MID2: variants seen among roughly 807,000 people sequenced by gnomAD.
MID2 encodes midline 2, also known as probable E3 ubiquitin-protein ligase MID2.
MID2 carries 13 observed loss-of-function variants against 46.1 expected under a neutral mutation model. That is an observed-to-expected ratio of 0.28 (90% CI 0.18 to 0.45). The LOEUF (loss-of-function observed/expected upper bound fraction) is 0.45, where lower values mean the gene tolerates loss of function less well. MID2 is among the 20% of genes least tolerant of loss of function. The probability of loss-of-function intolerance (pLI) is 1.00; values close to 1 mark genes in which losing one functional copy is unlikely to be tolerated. For missense variants in MID2, 431 were observed against 575.4 expected (o/e 0.75, Z 2.57); for synonymous variants, 199 against 212.3 (o/e 0.94, Z 0.55).
intron 3 of MID2, among the ~76,000 whole-genome samples, chrX:107,876,818 T>C (rs755220180): frequency 2.7e-5 from 3 of 112,038 alleles, no homozygotes; most frequent in Non-Finnish European, 5.6e-5. Context: ...ATCTGAAAAC[T>C]TGCCGTGATC....
At chrX:107,881,194 A>C (rs1932310241) in intron 3 of MID2, among the ~76,000 whole-genome samples, 1 of 112,344 alleles carries the variant, frequency 8.9e-6, no homozygotes, top group Admixed American at 9.4e-5. Flanking sequence ...TCTCTCAGAG[A>C]AAGATTGTTG....
At chrX:107,872,352 G>T (rs761656160) in intron 3 of MID2, among the ~76,000 whole-genome samples, 19 of 112,577 alleles carry the variant, frequency 1.7e-4, no homozygotes, top group Non-Finnish European at 2.8e-4. Context: ...AATAAGAAGT[G>T]AAATATACTA....
chrX:107,903,965 C>T lies in MID2; in HGVS notation c.824C>T (p.Thr275Ile). 1 of 1,199,259 alleles carries T rather than the reference C, an allele frequency of 8.3e-7. No homozygotes were observed. Among genetic ancestry groups the T allele is most frequent in the Non-Finnish European group, 1.1e-6 (1 of 884,158 alleles). ...IQICQQVEVN[T>I]AMHEAKLMEE... is the part of the protein sequence containing the mutation. ...TCTGAAATTTCTTGGCAGGTGAATA[C>T]TGCTATGCATGAGGCAAAACTTATG... Residue 275 changes from threonine (T) to isoleucine (I), a missense_variant, in exon 4 of 10, where the codon ACT (threonine) becomes ATT (isoleucine). Transcript: ENST00000262843.
intron 3 of MID2, among the ~76,000 whole-genome samples, chrX:107,867,174 C>T (rs1288599135): frequency 2.7e-5 from 3 of 112,091 alleles, no homozygotes; most frequent in Admixed American, 9.4e-5. Context: ...TGTTTTGAGA[C>T]GGAGTCTCCC....
chrX:107,912,605 T>C (rs1185233978), intron 5 of MID2, among the ~76,000 whole-genome samples: 1 of 111,795 alleles, frequency 8.9e-6, no homozygotes, highest in Non-Finnish European at 1.9e-5. Flanking sequence ...GGCCTATTCC[T>C]TTAATGCTAT....
chrX:107,831,766 G>A (rs966604366), intron 1 of MID2, among the ~76,000 whole-genome samples: 1 of 112,384 alleles, frequency 8.9e-6, no homozygotes, highest in African/African-American at 3.2e-5. Context: ...ATTTTGTTGG[G>A]TAACAGAGGT....
chrX:107,878,369 T>G (rs2147847726), intron 3 of MID2, among the ~76,000 whole-genome samples: 1 of 89,784 alleles, frequency 1.1e-5, no homozygotes, highest in African/African-American at 4.3e-5. Context: ...TGTCTGCAGC[T>G]GTTGGGGTGG....
chrX:107,864,302 C>A lies in MID2; in HGVS notation c.816+9598C>A, dbSNP rs555052774. 1.0e-3 allele frequency among the ~76,000 whole-genome samples: 114 copies of A among 112,098 alleles called. 2 individuals carry two copies. In the East Asian group the frequency reaches 0.018, roughly 18 times the overall value. ...CTTATGTACTCCTGCCATTGGCCTA[C>A]CTTTAATAGCCCAGAGCAGCTCTCC... On this transcript the variant is annotated intron_variant, in intron 3 of 9. Coordinates refer to ENST00000262843, the MANE Select transcript of MID2 (RefSeq NM_012216.4).
rs1222081316 is a variant in MID2, at chrX:107,826,264, G to C, written c.-163G>C. 1 of 474,853 alleles carries C rather than the reference G, an allele frequency of 2.1e-6. No homozygotes were observed. Among genetic ancestry groups the C allele is most frequent in the East Asian group, 5.3e-5 (1 of 18,818 alleles). 39.1% of individuals were successfully genotyped at this position (474,853 alleles called of 1,213,427 possible). A position where few individuals can be genotyped will look rare whatever the true frequency, so the allele number is the denominator to read the frequency against. ...GCTGCGCGGCGTCGGCGACGGTAGC[G>C]GCAGCGGCGGCGAAGGCGGGCGGCG... On this transcript the variant is annotated 5_prime_UTR_variant, in exon 1 of 10. Transcript: ENST00000262843.
chrX:107,892,595 T>C (rs1307474060), intron 3 of MID2, among the ~76,000 whole-genome samples: 1 of 111,756 alleles, frequency 8.9e-6, no homozygotes, highest in Non-Finnish European at 1.9e-5. Context: ...AAACCTGTCA[T>C]GTCACTCCCT....
rs752582447 is a variant in MID2 at position 107,890,758 on chromosome X, G to A, written c.817-13200G>A. ...AGGCAGGCCTCCTTGAGCTGCGGTG[G>A]GCTCCACCCAGTTCAAGCTTCCCAG... On this transcript the variant is annotated intron_variant, in intron 3 of 9. Transcript: ENST00000262843. 2.7e-5 allele frequency among the ~76,000 whole-genome samples: 3 copies of A among 111,735 alleles called. No homozygotes were observed. In the East Asian group the frequency reaches 8.5e-4, roughly 31 times the overall value.
At chrX:107,844,676 C>T (rs1164550149) in intron 2 of MID2, among the ~76,000 whole-genome samples, 4 of 110,844 alleles carry the variant, frequency 3.6e-5, no homozygotes, top group African/African-American at 1.3e-4. Context: ...TCTTGTGCTG[C>T]CCATGTATTT....
In MID2 at chrX:107,905,578, A is replaced by G; in HGVS notation, c.1025A>G (p.Glu342Gly). 1 of 1,208,482 alleles carries G rather than the reference A, an allele frequency of 8.3e-7. No homozygotes were observed. The highest frequency in any genetic ancestry group is 1.7e-5 in the African/African-American group (1 of 57,759). ...LINQAEHILK[E>G]NDQARFLQSA... is the part of the protein sequence containing the mutation. Reference sequence around the variant, plus strand: ...AACCAAGCTGAGCATATCCTGAAAGAAAATGACCAGGCACGGTTTCTACAG... The same window carrying G: ...AACCAAGCTGAGCATATCCTGAAAGGAAATGACCAGGCACGGTTTCTACAG... Residue 342 changes from glutamate (E) to glycine (G), a missense_variant, in exon 5 of 10, where the codon GAA becomes GGA. Coordinates refer to ENST00000262843, the MANE Select transcript of MID2 (RefSeq NM_012216.4).
At chrX:107,866,469 ACACACAC>A (rs1931960181) in intron 3 of MID2, among the ~76,000 whole-genome samples, 2 of 93,170 alleles carry the variant, frequency 2.1e-5, no homozygotes, top group Non-Finnish European at 4.2e-5. Flanking sequence ...ACACACACAC[ACACACAC>A]AACACTGACC....
At chrX:107,871,724 C>T (rs1321070468) in intron 3 of MID2, among the ~76,000 whole-genome samples, 1 of 110,588 alleles carries the variant, frequency 9.0e-6, no homozygotes, top group African/African-American at 3.3e-5. Flanking sequence ...CTAGCTGTCC[C>T]CAGCTGGACT....
At chrX:107,913,793 A>G (rs750597006) in intron 5 of MID2, among the ~76,000 whole-genome samples, 113 of 111,152 alleles carry the variant, frequency 1.0e-3, no homozygotes, top group Non-Finnish European at 1.7e-3. Context: ...ACCCTTTCCA[A>G]TCCCTCCACT....
intron 3 of MID2, among the ~76,000 whole-genome samples, chrX:107,901,854 C>T (rs1932796813): frequency 1.8e-5 from 2 of 111,416 alleles, no homozygotes; most frequent in African/African-American, 6.5e-5. Context: ...ATGACAATCT[C>T]GGGCAAAGGC....
chrX:107,832,781 G>A (rs769292133), intron 1 of MID2, among the ~76,000 whole-genome samples: 1 of 111,982 alleles, frequency 8.9e-6, no homozygotes, highest in Admixed American at 9.4e-5. Flanking sequence ...TTCTGTCTAG[G>A]TTTCTATTTT....
intron 2 of MID2, among the ~76,000 whole-genome samples, chrX:107,853,834 A>T (rs1433485252): frequency 8.9e-6 from 1 of 112,096 alleles, no homozygotes; most frequent in Non-Finnish European, 1.9e-5. Context: ...AGGGCTGGAT[A>T]CATGGGTTCC....
Sources: allele counts gnomAD v4.1 joint callset (sites outside exome capture counted in the v4.1 genomes callset), GRCh38; gene constraint gnomAD v4.1.1; transcripts MANE v1.5; gene names NCBI Gene and HGNC (gene_info 2026-07-23, HGNC 2026-07-21).